The following CDKAL1 variants were observed in gnomAD, a reference collection of about 807,000 sequenced individuals.
The protein encoded by CDKAL1 is CDKAL1 threonylcarbamoyladenosine tRNA methylthiotransferase, also known as threonylcarbamoyladenosine tRNA methylthiotransferase.
A neutral mutation model predicts 68.2 loss-of-function variants in CDKAL1; 32 were observed. The ratio of observed to expected loss-of-function variants is 0.47; its 90% CI spans 0.35 to 0.63. The LOEUF (loss-of-function observed/expected upper bound fraction) is 0.63, where lower values mean the gene tolerates loss of function less well. CDKAL1 is among the 30% of genes least tolerant of loss of function. The pLI is 0.00. For missense variants in CDKAL1, 606 were observed against 696.7 expected, an observed-to-expected ratio of 0.87 and a Z score of 1.47; for synonymous variants, 234 against 244.3, an observed-to-expected ratio of 0.96 and a Z score of 0.39.
At chr6:20,978,057 G>A (rs957052404) in intron 10 of CDKAL1, among the ~76,000 whole-genome samples, 18 of 152,016 alleles carry the variant, frequency 1.2e-4, no homozygotes, top group African/African-American at 4.4e-4. Context: ...TTTGATATAG[G>A]GAATACTAAA....
chr6:20,551,039 A>G (rs1425269494), intron 4 of CDKAL1, among the ~76,000 whole-genome samples: 1 of 149,672 alleles, frequency 6.7e-6, no homozygotes, highest in South Asian at 2.1e-4. Context: ...CTAATTTTTC[A>G]TATTTTTAGT....
chr6:20,572,236 C>A (rs1185392023), intron 4 of CDKAL1, among the ~76,000 whole-genome samples: 3 of 152,170 alleles, frequency 2.0e-5, no homozygotes, highest in African/African-American at 7.2e-5. Context: ...ATTTTCTCTA[C>A]ACTTGTGACA....
rs1326410426 is a variant in CDKAL1, at chr6:20,729,295, C to T, written c.372-10224C>T. On this transcript the variant is annotated intron_variant, in intron 5 of 15. Transcript: ENST00000274695. Reference sequence around the variant, plus strand: ...AAGGAGCTTGTCAGGATGCAGCCTTCCCACAGCTGCTGGGGAACTCTTTCC... The same window carrying T: ...AAGGAGCTTGTCAGGATGCAGCCTTTCCACAGCTGCTGGGGAACTCTTTCC... 3.9e-5 allele frequency among the ~76,000 whole-genome samples: 6 copies of T among 152,256 alleles called. No individual in the cohort carries two copies. The East Asian group carries it at 1.2e-3, about 29-fold the overall frequency.
At chr6:20,781,821 A>G (rs1775443924) in intron 8 of CDKAL1, among the ~76,000 whole-genome samples, 1 of 152,140 alleles carries the variant, frequency 6.6e-6, no homozygotes, top group Non-Finnish European at 1.5e-5. Flanking sequence ...TTTCATATGC[A>G]TTTATTGAAT....
chr6:20,821,564 G>A (rs542126143), intron 8 of CDKAL1, among the ~76,000 whole-genome samples: 245 of 152,166 alleles, frequency 1.6e-3, no homozygotes, highest in Non-Finnish European at 3.0e-3. Flanking sequence ...GACTTTCATC[G>A]CTTACCAGAG....
At chr6:20,659,226 A>G (rs913908880) in intron 5 of CDKAL1, among the ~76,000 whole-genome samples, 6 of 152,214 alleles carry the variant, frequency 3.9e-5, no homozygotes, top group Non-Finnish European at 8.8e-5. Context: ...AATAAGTTAG[A>G]TGATGCAAGT....
intron 13 of CDKAL1, among the ~76,000 whole-genome samples, chr6:21,196,851 A>C (rs1320459878): frequency 6.6e-6 from 1 of 152,094 alleles, no homozygotes; most frequent in Admixed American, 6.5e-5. Flanking sequence ...AGACATTTTG[A>C]CAACCTTGTA....
At chr6:20,676,887 G>C (rs1302822765) in intron 5 of CDKAL1, among the ~76,000 whole-genome samples, 1 of 151,894 alleles carries the variant, frequency 6.6e-6, no homozygotes, top group South Asian at 2.1e-4. Context: ...ATACCATCTA[G>C]GTTTGTGTAA....
chr6:21,035,880 CA>C (rs1769554029), intron 11 of CDKAL1, among the ~76,000 whole-genome samples: 1 of 152,128 alleles, frequency 6.6e-6, no homozygotes, highest in African/African-American at 2.4e-5. Context: ...AAGGCATTTG[CA>C]GAATTCTATT....
chr6:20,928,076 G>C (rs942928215), intron 9 of CDKAL1, among the ~76,000 whole-genome samples: 2 of 152,078 alleles, frequency 1.3e-5, no homozygotes, highest in African/African-American at 2.4e-5. Flanking sequence ...TGTTTGGTGA[G>C]AGCTCTGATA....
At chr6:20,883,069 T>TAC (rs1413369887) in intron 9 of CDKAL1, among the ~76,000 whole-genome samples, 1 of 152,222 alleles carries the variant, frequency 6.6e-6, no homozygotes, top group Non-Finnish European at 1.5e-5. Context: ...GAGAGAAACC[T>TAC]ACAGGCACTT....
rs35663664 is a variant in CDKAL1 at position 21,220,188 on chromosome 6, TCGTG to T, written c.1549-10647_1549-10644del. 1.8e-3 allele frequency among the ~76,000 whole-genome samples: 268 copies of T among 148,986 alleles called. 1 individual carries two copies. The highest frequency in any genetic ancestry group is 6.4e-3 in the African/African-American group (247 of 38,462). On this transcript the variant is annotated intron_variant, in intron 15 of 15. Coordinates refer to ENST00000274695, the MANE Select transcript of CDKAL1 (RefSeq NM_017774.3). The stretch of plus-strand genomic sequence containing the variant: ...CTTGGTTCCTTTTTTATGTTAAAGC[TCGTG>T]CGTGCGTGCGTGTGTGTGTGTGTGT...
chr6:21,048,416 G>C (rs936459433), intron 11 of CDKAL1, among the ~76,000 whole-genome samples: 22 of 152,048 alleles, frequency 1.4e-4, no homozygotes, highest in Non-Finnish European at 2.8e-4. Flanking sequence ...TTATAAATCT[G>C]GGTTTTGATT....
At chr6:20,827,833 T>C (rs1384962438) in intron 8 of CDKAL1, among the ~76,000 whole-genome samples, 1 of 152,224 alleles carries the variant, frequency 6.6e-6, no homozygotes, top group African/African-American at 2.4e-5. Context: ...TCGATATACT[T>C]CTATGTTATT....
intron 8 of CDKAL1, among the ~76,000 whole-genome samples, chr6:20,811,491 C>T (rs895650033): frequency 2.0e-5 from 3 of 152,126 alleles, no homozygotes; most frequent in Non-Finnish European, 4.4e-5. Context: ...TTTAAGGAAA[C>T]CATTTCATTT....
Position 20,756,858 on chromosome 6 carries a change from T to C in CDKAL1, c.469-1737T>C, listed in dbSNP as rs570859068. On this transcript the variant is annotated intron_variant, in intron 6 of 15. Transcript: ENST00000274695. ...TTCCTTTCTTCCTTCCTTCTCCCCT[T>C]CCTTCCTTCCTTCCTTCCTTCCTTC... 59 of 38,768 alleles carry C rather than the reference T, an allele frequency of 1.5e-3. 1 individual carries two copies. The highest frequency in any genetic ancestry group is 0.017 in the Middle Eastern group (1 of 60). The allele number at this position is 38,768 out of a possible 1,614,324, so 2.4% of individuals were successfully genotyped here.
chr6:20,686,252 A>G (rs1581383291), intron 5 of CDKAL1, among the ~76,000 whole-genome samples: 1 of 152,248 alleles, frequency 6.6e-6, no homozygotes, highest in South Asian at 2.1e-4. Flanking sequence ...ATGAACTGGT[A>G]CTGGTCTGTG....
chr6:20,666,001 A>G (rs1319376918), intron 5 of CDKAL1, among the ~76,000 whole-genome samples: 1 of 152,080 alleles, frequency 6.6e-6, no homozygotes, highest in Non-Finnish European at 1.5e-5. Context: ...CCACTTACTG[A>G]TTAAAATTTC....
At chr6:21,120,160 G>C (rs942516230) in intron 13 of CDKAL1, among the ~76,000 whole-genome samples, 1 of 152,196 alleles carries the variant, frequency 6.6e-6, no homozygotes, top group Non-Finnish European at 1.5e-5. Flanking sequence ...TTCCTAGGAG[G>C]CAGGCAGAAT....
Sources: allele counts gnomAD v4.1 joint callset (sites outside exome capture counted in the v4.1 genomes callset), GRCh38; gene constraint gnomAD v4.1.1; transcripts MANE v1.5; gene names NCBI Gene and HGNC (gene_info 2026-07-23, HGNC 2026-07-21).